Variants in PIEZO1 observed in about 807,000 individuals in gnomAD.
PIEZO1 encodes piezo type mechanosensitive ion channel component 1 (Er blood group), also known as piezo-type mechanosensitive ion channel component 1.
Under a neutral mutation model 297.2 loss-of-function variants are expected in PIEZO1, and 296 were observed. The observed-to-expected ratio is 1.00, with a 90% confidence interval of 0.91 to 1.10. PIEZO1 has a LOEUF of 1.10. PIEZO1 is among the 50% of genes least tolerant of loss of function. The pLI is 0.00. For missense variants in PIEZO1, 5,018 were observed against 3,455.5 expected, an observed-to-expected ratio of 1.45 and a Z score of -11.34; for synonymous variants, 2,427 against 1,507.5, an observed-to-expected ratio of 1.61 and a Z score of -14.13.
Position 88,734,357 on chromosome 16 carries a change from T to A in PIEZO1, c.2179A>T (p.Arg727Trp). ...CGGACAGGGAGGGCGGGGCCGCACC[T>A]GTGAGCCCAGCGCGGGAGGCGCGTG... ...PGTRLPRWAH[R>W]QDAVSGTPLL... is the part of the protein sequence containing the mutation. The change falls in exon 16 of 51, where the codon AGG (arginine) becomes TGG (tryptophan). Residue 727 changes from arginine to tryptophan, a missense_variant and splice_region_variant. Physicochemically the swap from Arg to Trp is moderately radical, Grantham distance 101. Coordinates refer to ENST00000301015, the MANE Select transcript of PIEZO1 (RefSeq NM_001142864.4). 1 of 1,527,564 alleles carries A rather than the reference T, an allele frequency of 6.5e-7. No individual in the cohort carries two copies. The highest frequency in any genetic ancestry group is 8.8e-7 in the Non-Finnish European group (1 of 1,134,412). 94.6% of individuals were successfully genotyped at this position (1,527,564 alleles called of 1,614,324 possible). A position where few individuals can be genotyped will look rare whatever the true frequency, so the allele number is the denominator to read the frequency against.
intron 2 of PIEZO1, among the ~76,000 whole-genome samples, chr16:88,747,746 C>T (rs143386396): frequency 6.6e-6 from 1 of 152,346 alleles, no homozygotes; most frequent in Non-Finnish European, 1.5e-5. Flanking sequence ...GGCTGCCCAA[C>T]AGCTGACCTT....
chr16:88,747,886 G>A (rs1483466321), intron 2 of PIEZO1, among the ~76,000 whole-genome samples: 1 of 152,212 alleles, frequency 6.6e-6, no homozygotes, highest in Non-Finnish European at 1.5e-5. Context: ...TGGAGATGGA[G>A]GGAGGGGCCC....
intron 1 of PIEZO1, among the ~76,000 whole-genome samples, chr16:88,756,225 C>G (rs1025832825): frequency 6.6e-6 from 1 of 152,204 alleles, no homozygotes; most frequent in Non-Finnish European, 1.5e-5. Context: ...GACGCCCACA[C>G]CCAGCCCGAT....
rs1178963697 is a variant in PIEZO1, at chr16:88,721,429, C to T, written c.5405G>A (p.Cys1802Tyr). The change falls in exon 39 of 51, where the codon TGC becomes TAC. Residue 1802 changes from cysteine to tyrosine, a missense_variant and splice_region_variant. By Grantham distance (194) the Cys-to-Tyr change is radical (BLOSUM62 -2). Coordinates refer to ENST00000301015, the MANE Select transcript of PIEZO1 (RefSeq NM_001142864.4). ...ALFFHRSQLL[C>Y]YGLWDHEEDS... is the part of the protein sequence containing the mutation. ...CTCCTCATGGTCCCAGAGGCCATAG[C>T]ACTGAGGGGCGGGAGGGTGTGGTGA... 5 of 1,546,376 alleles carry T rather than the reference C, an allele frequency of 3.2e-6. No individual in the cohort carries two copies. The highest frequency in any genetic ancestry group is 4.4e-6 in the Non-Finnish European group (5 of 1,144,062).
intron 1 of PIEZO1, among the ~76,000 whole-genome samples, chr16:88,775,162 G>C (rs754757076): frequency 1.2e-4 from 18 of 152,222 alleles, no homozygotes; most frequent in Non-Finnish European, 2.5e-4. Flanking sequence ...CCCTGACCCT[G>C]ACAGGACGCA....
rs901901180 is a variant in PIEZO1 at position 88,733,729 on chromosome 16, G to A, written c.2346C>T (p.Gly782=). 1 of 1,545,486 alleles carries A rather than the reference G, an allele frequency of 6.5e-7. No individual in the cohort carries two copies. Among genetic ancestry groups the A allele is most frequent in the African/African-American group, 1.4e-5 (1 of 72,960 alleles). ...GCTCCAGCAGCCGCTCAGCCACCAG[G>A]CCCCACTTGGCTGCCCCTGTGATGG... The part of the protein sequence containing the change: ...TQVPEGAAKW[G]LVAERLLELA... Residue 782 remains glycine, a synonymous_variant, in exon 18 of 51, where the codon GGC becomes GGT. Transcript: ENST00000301015.
At position 88,737,825 on chromosome 16, in the gene PIEZO1, C is replaced by T. The variant is rs756581946; in HGVS notation, c.1021-11G>A. On this transcript the variant is annotated splice_polypyrimidine_tract_variant and intron_variant, in intron 8 of 50. Transcript: ENST00000301015. ...TGCCGCCTCCTTCCTCTGCAGAGAC[C>T]AGCGTCTTGAGCCCAAACCAGCTCC... 1.3e-6 allele frequency: 2 copies of T among 1,535,692 alleles called. No homozygotes were observed. The highest frequency in any genetic ancestry group is 1.2e-5 in the South Asian group (1 of 84,048).
chr16:88,723,062 G>C (rs749620791), intron 33 of PIEZO1, 33 bp downstream of exon 33: 2 of 1,545,062 alleles, frequency 1.3e-6, no homozygotes, highest in Admixed American at 2.0e-5. Flanking sequence ...GGCCAAGAGA[G>C]ACCTCCCACT....
At chr16:88,746,515 C>T (rs995273418) in intron 2 of PIEZO1, among the ~76,000 whole-genome samples, 1 of 152,214 alleles carries the variant, frequency 6.6e-6, no homozygotes, top group Admixed American at 6.5e-5. Context: ...CCTCCAGCCC[C>T]CCAAGGATCA....
At chr16:88,765,664 T>A (rs546049725) in intron 1 of PIEZO1, among the ~76,000 whole-genome samples, 59 of 147,770 alleles carry the variant, frequency 4.0e-4, no homozygotes, top group East Asian at 2.0e-3. Flanking sequence ...AGTCGTTATC[T>A]CTAATTTTTT....
At position 88,770,555 on chromosome 16, in the gene PIEZO1, T is replaced by C. The variant is rs553290477; in HGVS notation, c.64+14346A>G. ...GTCCATCGGGAGAGGTGGCCGTTAG[T>C]GCGGGGGCCCCGCCATGGGCGGTGC... On this transcript the variant is annotated intron_variant, in intron 1 of 50. Transcript: ENST00000301015. 1.5e-3 allele frequency among the ~76,000 whole-genome samples: 221 copies of C among 152,296 alleles called. 1 individual carries two copies. The highest frequency in any genetic ancestry group is 4.9e-3 in the African/African-American group (203 of 41,566).
chr16:88,723,901 G>A lies in PIEZO1; in HGVS notation c.4305C>T (p.Asp1435=), dbSNP rs748553872. 189 of 1,548,542 alleles carry A rather than the reference G, an allele frequency of 1.2e-4. No individual in the cohort carries two copies. Among genetic ancestry groups the A allele is most frequent in the Non-Finnish European group, 1.6e-4 (182 of 1,145,284 alleles). ...AGGCACTCTGTGCCGACGGCCTCGG[G>A]TCTTCAGGAACAGCCTCCTCCTCTT... is the stretch of plus-strand genomic sequence containing the variant. The part of the protein sequence containing the change: ...SEEEEEAVPE[D]PRPSAQSAFQ... The change falls in exon 31 of 51, where the codon GAC becomes GAT. Residue 1435 remains aspartate (D), a synonymous_variant. Coordinates refer to ENST00000301015, the MANE Select transcript of PIEZO1 (RefSeq NM_001142864.4).
At chr16:88,715,904 G>T in intron 50 of PIEZO1, 29 bp downstream of exon 50, 4 of 1,534,554 alleles carry the variant, frequency 2.6e-6, no homozygotes, top group Non-Finnish European at 2.6e-6. Context: ...CCCCCGAGCT[G>T]CGGGGTGCCC....
intron 35 of PIEZO1, 40 bp from the exon 36 acceptor site, chr16:88,722,437 G>A (rs898189236): frequency 2.7e-6 from 4 of 1,470,208 alleles, no homozygotes; most frequent in Non-Finnish European, 3.6e-6. Context: ...CCTGCTCTAT[G>A]GCCTGACCCC....
chr16:88,742,745 G>C, intron 2 of PIEZO1: 1 of 371,852 alleles, frequency 2.7e-6, no homozygotes, highest in East Asian at 6.6e-5. Flanking sequence ...ACCTGTCACC[G>C]TTCAGTTGTG....
chr16:88,773,321 G>A (rs562770864), intron 1 of PIEZO1, among the ~76,000 whole-genome samples: 15 of 152,370 alleles, frequency 9.8e-5, no homozygotes, highest in Middle Eastern at 3.4e-3. Flanking sequence ...AATAAAAACC[G>A]CAGAGGAGGT....
Position 88,720,201 on chromosome 16 carries a change from TG to T in PIEZO1, c.6031del (p.Gln2011SerfsTer59). On this transcript the variant is annotated frameshift_variant, in exon 42 of 51. Coordinates refer to ENST00000301015, the MANE Select transcript of PIEZO1 (RefSeq NM_001142864.4). LOFTEE classifies it high-confidence loss of function. ...PEAFLVMLLI[Q>X]FSTMVVDRAL... ...GCGGTCAACCACCATGGTACTGAAC[TG>T]GATCAGCAGCATGACCAGGAAAGCC... The T allele has an allele frequency of 6.4e-7, 1 of 1,550,514 alleles. No individual in the cohort carries two copies.
rs373039739 is a variant in PIEZO1, at chr16:88,752,627, T to C, written c.65-3148A>G. On this transcript the variant is annotated intron_variant, in intron 1 of 50. Coordinates refer to ENST00000301015, the MANE Select transcript of PIEZO1 (RefSeq NM_001142864.4). Reference sequence around the variant, plus strand: ...CGGGTGCAGGGGCTGAGGATGGAGATGAGGGAGGGGCTGGAGCTGGAGGCC... The same window carrying C: ...CGGGTGCAGGGGCTGAGGATGGAGACGAGGGAGGGGCTGGAGCTGGAGGCC... Among the ~76,000 whole-genome samples the C allele has an allele frequency of 8.0e-4, 122 of 152,098 alleles. No homozygotes were observed. In the East Asian group the frequency reaches 0.015, roughly 18 times the overall value.
In PIEZO1 at chr16:88,726,466, G is replaced by A; in HGVS notation, c.3797-11C>T. 1 of 1,549,098 alleles carries A rather than the reference G, an allele frequency of 6.5e-7. No individual in the cohort carries two copies. The highest frequency in any genetic ancestry group is 8.7e-7 in the Non-Finnish European group (1 of 1,145,944). ...CCATCATCTCCTTGGCTGCAAGGCAGGCACCGGCAAGGGTCAGGCCCAGGG... is the reference window on the plus strand; with the variant it reads ...CCATCATCTCCTTGGCTGCAAGGCAAGCACCGGCAAGGGTCAGGCCCAGGG... On this transcript the variant is annotated splice_polypyrimidine_tract_variant and intron_variant, in intron 26 of 50. Transcript: ENST00000301015.
Sources: allele counts gnomAD v4.1 joint callset (sites outside exome capture counted in the v4.1 genomes callset), GRCh38; gene constraint gnomAD v4.1.1; transcripts MANE v1.5; gene names NCBI Gene and HGNC (gene_info 2026-07-23, HGNC 2026-07-21).